HDAC9: variants seen among roughly 807,000 people sequenced by gnomAD.
HDAC9 encodes MEF-2 interacting transcription repressor (MITR) protein.
A neutral mutation model predicts 139.4 loss-of-function variants in HDAC9; 41 were observed. That is an observed-to-expected ratio of 0.29 (90% CI 0.23 to 0.38). The LOEUF (loss-of-function observed/expected upper bound fraction) is 0.38, where lower values mean the gene tolerates loss of function less well. Among genes scored for constraint, HDAC9 ranks in the 10% least tolerant of loss-of-function variants. The probability of loss-of-function intolerance (pLI) is 1.00; values close to 1 mark genes in which losing one functional copy is unlikely to be tolerated. For synonymous variants in HDAC9, 517 were observed against 476.2 expected (o/e 1.09, Z -1.12); for missense variants, 1,147 against 1,297.0 (o/e 0.88, Z 1.78).
chr7:18,727,596 C>A lies in HDAC9; in HGVS notation c.1748C>A (p.Thr583Lys), dbSNP rs114662881. The A allele has an allele frequency of 6.6e-4, 1,051 of 1,597,500 alleles. 3 individuals are homozygous for A. In the African/African-American group the frequency reaches 0.013, roughly 20 times the overall value. ...TGGCAACAGCCTTTCCTGGAACCCA[C>A]GCACACACGTGCGCTCTCTGTGCGC... is the stretch of plus-strand genomic sequence containing the variant. ...AFMQQPFLEPTHTRALSVRQA... is the reference protein window; with the variant it reads ...AFMQQPFLEPKHTRALSVRQA... The change falls in exon 13 of 26, where the codon ACG becomes AAG. Residue 583 changes from threonine (T) to lysine (K), a missense_variant. Coordinates refer to ENST00000686413, the MANE Select transcript of HDAC9 (RefSeq NM_178425.4).
intron 2 of HDAC9, among the ~76,000 whole-genome samples, chr7:18,179,828 A>G (rs550945553): frequency 1.3e-5 from 2 of 152,332 alleles, no homozygotes; most frequent in South Asian, 2.1e-4. Context: ...TGTTGGTATC[A>G]TAAAAGATGT....
chr7:18,619,576 G>T (rs1457844474), intron 6 of HDAC9, among the ~76,000 whole-genome samples: 1 of 152,172 alleles, frequency 6.6e-6, no homozygotes, highest in African/African-American at 2.4e-5. Context: ...ATCACAGGAA[G>T]TAGCTCATAA....
chr7:18,495,082 G>A (rs575172028), upstream of HDAC9, among the ~76,000 whole-genome samples: 2 of 152,188 alleles, frequency 1.3e-5, no homozygotes, highest in Non-Finnish European at 2.9e-5. Flanking sequence ...AATCAAGCCT[G>A]TCCTTCATAA....
At chr7:18,429,773 T>A (rs1282325365) in intron 1 of HDAC9, among the ~76,000 whole-genome samples, 2 of 152,196 alleles carry the variant, frequency 1.3e-5, no homozygotes, top group African/African-American at 4.8e-5. Context: ...ATTCCTATGC[T>A]ATTTAGATAC....
intron 1 of HDAC9, among the ~76,000 whole-genome samples, chr7:18,387,890 CA>C (rs539568641): frequency 2.2e-3 from 336 of 151,578 alleles, no homozygotes; most frequent in Non-Finnish European, 3.8e-3. Flanking sequence ...AACATCTTAA[CA>C]TTTTTTGTGT....
chr7:18,425,705 G>A (rs1790053975), intron 1 of HDAC9, among the ~76,000 whole-genome samples: 1 of 152,146 alleles, frequency 6.6e-6, no homozygotes. Context: ...AATACTCACT[G>A]TACATTACAT....
At chr7:18,976,222 A>G (rs945432935) in intron 25 of HDAC9, among the ~76,000 whole-genome samples, 1 of 152,250 alleles carries the variant, frequency 6.6e-6, no homozygotes, top group Non-Finnish European at 1.5e-5. Context: ...ATCACGCCTT[A>G]TCAGATAATT....
At chr7:18,467,112 A>ATTCCT (rs1794344642) in intron 1 of HDAC9, among the ~76,000 whole-genome samples, 1 of 152,204 alleles carries the variant, frequency 6.6e-6, no homozygotes, top group Non-Finnish European at 1.5e-5. Flanking sequence ...GATGTTTCAC[A>ATTCCT]GTCAAATAAA....
At chr7:18,165,636 A>T (rs1029891847) in intron 2 of HDAC9, among the ~76,000 whole-genome samples, 46 of 151,996 alleles carry the variant, frequency 3.0e-4, no homozygotes, top group African/African-American at 1.1e-3. Flanking sequence ...AAAATTTTTT[A>T]AAAAATTGCT....
chr7:18,163,490 G>A (rs754347296), intron 2 of HDAC9, among the ~76,000 whole-genome samples: 17 of 152,120 alleles, frequency 1.1e-4, no homozygotes, highest in Admixed American at 2.0e-4. Flanking sequence ...TTTTGATTTC[G>A]TAAGTCTAGA....
chr7:18,701,421 A>C (rs919299758), intron 12 of HDAC9, among the ~76,000 whole-genome samples: 29 of 152,064 alleles, frequency 1.9e-4, no homozygotes, highest in African/African-American at 7.0e-4. Flanking sequence ...ACAAACAAAA[A>C]AAAAAAACAC....
At chr7:18,826,048 G>A (rs1369690071) in intron 17 of HDAC9, among the ~76,000 whole-genome samples, 1 of 152,022 alleles carries the variant, frequency 6.6e-6, no homozygotes. Context: ...CAGGAAGGTT[G>A]GGGTCCAAAC....
intron 1 of HDAC9, among the ~76,000 whole-genome samples, chr7:18,365,744 A>T (rs985436295): frequency 6.6e-5 from 10 of 152,078 alleles, no homozygotes; most frequent in African/African-American, 1.4e-4. Flanking sequence ...TGAACATCAC[A>T]TCTACTACTT....
At chr7:18,299,323 C>T (rs1474693591) in intron 1 of HDAC9, among the ~76,000 whole-genome samples, 1 of 149,234 alleles carries the variant, frequency 6.7e-6, no homozygotes, top group African/African-American at 2.5e-5. Flanking sequence ...GTAATATATT[C>T]CTTGTTTTGT....
intron 1 of HDAC9, among the ~76,000 whole-genome samples, chr7:18,467,649 T>C (rs1794390802): frequency 6.6e-6 from 1 of 152,194 alleles, no homozygotes; most frequent in Non-Finnish European, 1.5e-5. Flanking sequence ...GCCAAGATAT[T>C]ACAGTCCCCA....
At chr7:18,204,417 G>C (rs1178313) in intron 2 of HDAC9, among the ~76,000 whole-genome samples, 2 of 149,290 alleles carry the variant, frequency 1.3e-5, no homozygotes, top group African/African-American at 4.9e-5. Context: ...GCATATCTTT[G>C]TAAGTCAAAG....
intron 2 of HDAC9, among the ~76,000 whole-genome samples, chr7:18,511,191 T>C (rs1301278839): frequency 6.6e-6 from 1 of 152,168 alleles, no homozygotes; most frequent in Non-Finnish European, 1.5e-5. Flanking sequence ...GAATACCAGC[T>C]TAACCTAACT....
chr7:18,793,580 T>A, intron 17 of HDAC9, 128 bp downstream of exon 17: 1 of 691,830 alleles, frequency 1.4e-6, no homozygotes, highest in Non-Finnish European at 2.6e-6. Context: ...AGGGTAGAGA[T>A]GGCCACTAAG....
At chr7:18,863,149 G>A (rs1461708438) in intron 21 of HDAC9, among the ~76,000 whole-genome samples, 1 of 152,176 alleles carries the variant, frequency 6.6e-6, no homozygotes, top group Non-Finnish European at 1.5e-5. Flanking sequence ...AATGGGAATG[G>A]CCTTTCACTA....
Sources: allele counts gnomAD v4.1 joint callset (sites outside exome capture counted in the v4.1 genomes callset), GRCh38; gene constraint gnomAD v4.1.1; transcripts MANE v1.5; gene names NCBI Gene and HGNC (gene_info 2026-07-23, HGNC 2026-07-21).